The following CFAP74 variants were observed in gnomAD, a reference collection of about 807,000 sequenced individuals.
CFAP74 encodes cilia and flagella associated protein 74.
In CFAP74, 124 loss-of-function variants were observed where a neutral mutation model predicts 188.9. The ratio of observed to expected loss-of-function variants is 0.66; its 90% CI spans 0.57 to 0.76. CFAP74 has a LOEUF of 0.76. Ranked by LOEUF, CFAP74 falls within the 30% of genes least tolerant of loss-of-function variation. The pLI, the probability that CFAP74 is intolerant of heterozygous loss-of-function variation, is 0.00. For missense variants in CFAP74, 2,198 were observed against 2,165.2 expected, an observed-to-expected ratio of 1.02 and a Z score of -0.30; for synonymous variants, 956 against 916.7, an observed-to-expected ratio of 1.04 and a Z score of -0.77.
chr1:2,002,047 A>G (rs1205426045), intron 1 of CFAP74, among the ~76,000 whole-genome samples: 1 of 152,166 alleles, frequency 6.6e-6, no homozygotes, highest in Non-Finnish European at 1.5e-5. Flanking sequence ...CGTGTTTGAC[A>G]GGCTGAGGGG....
At chr1:1,984,192 C>A (rs1234205915) in intron 6 of CFAP74, 1 of 152,048 alleles carries the variant, frequency 6.6e-6, no homozygotes, top group Admixed American at 6.6e-5. Flanking sequence ...CAGGGTTTCG[C>A]TATGTTGCCT....
At chr1:1,932,353 C>T (rs1365906298) in intron 25 of CFAP74, among the ~76,000 whole-genome samples, 1 of 149,206 alleles carries the variant, frequency 6.7e-6, no homozygotes, top group African/African-American at 2.5e-5. Context: ...GCCGAGATCG[C>T]GCCACCGCAC....
At chr1:1,962,440 T>C (rs1275420200) in intron 14 of CFAP74, among the ~76,000 whole-genome samples, 9 of 132,352 alleles carry the variant, frequency 6.8e-5, no homozygotes, top group Middle Eastern at 5.3e-3. Context: ...TGTGCCACTA[T>C]ACTCCAGCCT....
rs2803348 is a variant in CFAP74, at chr1:1,922,670, A to G, written c.4737T>C (p.Ser1579=). The change falls in exon 38 of 39, where the codon TCT becomes TCC. Residue 1579 remains serine, a synonymous_variant. Transcript: ENST00000682832. The part of the protein sequence containing the change: ...SVASLQHKGF[S]IEPSRGSVER... ...CCACGGAGCCCCTGGAGGGCTCAAT[A>G]GAGAAACCCTTGTGCTGCAGGGATG... 883,753 of 1,600,436 alleles carry G rather than the reference A, an allele frequency of 0.55. 245,780 individuals carry two copies. The highest frequency in any genetic ancestry group is 0.65 in the Admixed American group (38,610 of 59,554).
intron 18 of CFAP74, among the ~76,000 whole-genome samples, chr1:1,948,975 TC>T (rs1654007972): frequency 3.5e-5 from 2 of 56,896 alleles, no homozygotes; most frequent in African/African-American, 7.3e-5. Flanking sequence ...CCTTCCTCCT[TC>T]CCTCCCTCCT....
chr1:1,957,767 G>A (rs1051543862), intron 16 of CFAP74, among the ~76,000 whole-genome samples: 2 of 139,034 alleles, frequency 1.4e-5, no homozygotes, highest in South Asian at 2.2e-4. Context: ...GGCTGTCTGC[G>A]GGGGGGCGGG....
intron 18 of CFAP74, 111 bp downstream of exon 18, chr1:1,955,579 TA>T (rs1654551352): frequency 6.2e-7 from 1 of 1,612,074 alleles, no homozygotes; most frequent in South Asian, 1.1e-5. Flanking sequence ...ATCGAAGGCC[TA>T]GGAAAATTCT....
chr1:1,932,957 C>T (rs1483630963), intron 25 of CFAP74, among the ~76,000 whole-genome samples: 1 of 150,098 alleles, frequency 6.7e-6, no homozygotes, highest in African/African-American at 2.5e-5. Flanking sequence ...GCGATCTCGG[C>T]TCACTGCAAG....
intron 30 of CFAP74, 33 bp from the exon 31 acceptor site, chr1:1,926,545 C>T (rs1158505069): frequency 7.1e-6 from 11 of 1,549,578 alleles, no homozygotes; most frequent in Admixed American, 2.0e-5. Context: ...AGGCCCCAGC[C>T]CCAGGCCCCA....
rs937664964 is a variant in CFAP74 at position 1,938,954 on chromosome 1, G to A, written c.2912C>T (p.Thr971Met). The A allele has an allele frequency of 2.3e-5, 36 of 1,535,986 alleles. No individual in the cohort carries two copies. The highest frequency in any genetic ancestry group is 2.8e-5 in the Non-Finnish European group (32 of 1,146,898). The change falls in exon 25 of 39, where the codon ACG (threonine) becomes ATG (methionine). Residue 971 changes from threonine to methionine, a missense_variant. Coordinates refer to ENST00000682832, the MANE Select transcript of CFAP74 (RefSeq NM_001304360.2). ...VDVQPNDGFGTILPLETLQFC... is the reference protein window; with the variant it reads ...VDVQPNDGFGMILPLETLQFC... ...CTGCAGCGTTTCCAGGGGCAGGATC[G>A]TCCCAAACCCATCGTTGGGTTGGAC...
At chr1:1,939,127 C>CGAGTGTGTGT (rs1269404683) in intron 24 of CFAP74, 139 bp from the exon 25 acceptor site, 9 of 908,332 alleles carry the variant, frequency 9.9e-6, no homozygotes, top group Middle Eastern at 2.3e-4. Context: ...TCGCTGTCAA[C>CGAGTGTGTGT]GAGTGTGTGT....
chr1:2,002,142 A>T (rs1268514910), intron 1 of CFAP74, among the ~76,000 whole-genome samples: 1 of 151,602 alleles, frequency 6.6e-6, no homozygotes, highest in Non-Finnish European at 1.5e-5. Flanking sequence ...TGGAAAATAC[A>T]CTCTACAAGG....
At chr1:1,993,528 C>T (rs891576295) in intron 1 of CFAP74, among the ~76,000 whole-genome samples, 1 of 151,810 alleles carries the variant, frequency 6.6e-6, no homozygotes, top group Non-Finnish European at 1.5e-5. Flanking sequence ...TCAAGTGATC[C>T]ACCTGCCTTG....
chr1:1,963,161 G>A (rs1169910232), intron 14 of CFAP74, among the ~76,000 whole-genome samples: 1 of 152,116 alleles, frequency 6.6e-6, no homozygotes, highest in Non-Finnish European at 1.5e-5. Context: ...AATACAAAAG[G>A]AAACTCTGAC....
At chr1:2,003,128 T>C (rs1658284980) in intron 1 of CFAP74, among the ~76,000 whole-genome samples, 1 of 152,186 alleles carries the variant, frequency 6.6e-6, no homozygotes. Flanking sequence ...CTACTGATGT[T>C]CGATTTATAA....
chr1:1,974,695 C>T (rs1656324962), intron 6 of CFAP74, among the ~76,000 whole-genome samples: 1 of 152,254 alleles, frequency 6.6e-6, no homozygotes, highest in Non-Finnish European at 1.5e-5. Flanking sequence ...AGGGGACCTG[C>T]CTGACCCCTG....
At chr1:1,925,587 C>G (rs547526398) in intron 33 of CFAP74, among the ~76,000 whole-genome samples, 196 bp downstream of exon 33, 1 of 152,242 alleles carries the variant, frequency 6.6e-6, no homozygotes, top group East Asian at 1.9e-4. Context: ...GCAGCCTCCC[C>G]AGAAACAGGC....
chr1:1,990,963 A>G lies in CFAP74; in HGVS notation c.-7T>C, dbSNP rs1333124550. The G allele has an allele frequency of 1.2e-6, 2 of 1,606,142 alleles. No individual in the cohort carries two copies. Among genetic ancestry groups the G allele is most frequent in the South Asian group, 2.2e-5 (2 of 88,984 alleles). On this transcript the variant is annotated 5_prime_UTR_variant, in exon 2 of 39. Coordinates refer to ENST00000682832, the MANE Select transcript of CFAP74 (RefSeq NM_001304360.2). ...GGCTGCCGTCATCCTCCATGCTGGG[A>G]GATAGAAATTAGCTGCAAAAGATGA...
At chr1:1,945,955 T>G (rs1653732900) in intron 20 of CFAP74, among the ~76,000 whole-genome samples, 1 of 125,178 alleles carries the variant, frequency 8.0e-6, no homozygotes, top group East Asian at 2.6e-4. Flanking sequence ...GGGGGCTCTG[T>G]GTATGTGCGT....
Sources: allele counts gnomAD v4.1 joint callset (sites outside exome capture counted in the v4.1 genomes callset), GRCh38; gene constraint gnomAD v4.1.1; transcripts MANE v1.5; gene names NCBI Gene and HGNC (gene_info 2026-07-23, HGNC 2026-07-21).